VTI1A: variants seen among roughly 807,000 people sequenced by gnomAD.
The protein encoded by VTI1A is vesicle transport through interaction with t-SNAREs 1A.
VTI1A carries 22 observed loss-of-function variants against 34.9 expected under a neutral mutation model. The observed-to-expected ratio is 0.63, with a 90% CI of 0.45 to 0.90. The LOEUF is 0.90. Among genes scored for constraint, VTI1A ranks in the 40% least tolerant of loss-of-function variants. VTI1A has a pLI of 0.00. For missense variants in VTI1A, 268 were observed against 275.6 expected, an observed-to-expected ratio of 0.97 and a Z score of 0.20; for synonymous variants, 87 against 97.3, an observed-to-expected ratio of 0.89 and a Z score of 0.62.
intron 7 of VTI1A, among the ~76,000 whole-genome samples, chr10:112,756,299 G>A (rs1213986558): frequency 6.6e-6 from 1 of 152,186 alleles, no homozygotes; most frequent in Non-Finnish European, 1.5e-5. Context: ...GGGGCAGTGT[G>A]TTACGGCATG....
At chr10:112,708,220 A>G (rs1849269395) in intron 7 of VTI1A, among the ~76,000 whole-genome samples, 1 of 152,262 alleles carries the variant, frequency 6.6e-6, no homozygotes, top group African/African-American at 2.4e-5. Flanking sequence ...TGGTATGTGT[A>G]TACAGCATGT....
At chr10:112,697,340 C>G (rs1428077642) in intron 7 of VTI1A, among the ~76,000 whole-genome samples, 4 of 150,864 alleles carry the variant, frequency 2.7e-5, no homozygotes, top group African/African-American at 9.8e-5. Context: ...ACTATAGGTG[C>G]ATGCCTCCAC....
intron 5 of VTI1A, among the ~76,000 whole-genome samples, chr10:112,601,110 G>A (rs1844859461): frequency 6.6e-6 from 1 of 152,176 alleles, no homozygotes; most frequent in Non-Finnish European, 1.5e-5. Flanking sequence ...TAGCATTAGG[G>A]AAACCTTCAT....
chr10:112,656,387 CTTTTT>C (rs71489977), intron 5 of VTI1A, among the ~76,000 whole-genome samples: 1 of 133,020 alleles, frequency 7.5e-6, no homozygotes, highest in South Asian at 2.4e-4. Flanking sequence ...CTTCCCAAAC[CTTTTT>C]TTTTTTTTTT....
At chr10:112,726,466 A>G (rs538289197) in intron 7 of VTI1A, among the ~76,000 whole-genome samples, 3 of 152,284 alleles carry the variant, frequency 2.0e-5, no homozygotes, top group South Asian at 2.1e-4. Flanking sequence ...TTGAAACACC[A>G]TGGAAACAGG....
rs149149945 is a variant in VTI1A, at chr10:112,688,128, A to G, written c.560+19130A>G. On this transcript the variant is annotated intron_variant, in intron 7 of 7. Transcript: ENST00000393077. ...GCCACCATGCCCGGCTAATTTTTGT[A>G]TTTTTAGTAGAGACAGGGTTTCACC... Among the ~76,000 whole-genome samples the G allele has an allele frequency of 3.4e-3, 516 of 151,190 alleles. 4 individuals carry two copies. The highest frequency in any genetic ancestry group is 0.011 in the African/African-American group (448 of 41,164).
intron 5 of VTI1A, among the ~76,000 whole-genome samples, chr10:112,645,168 A>C (rs999407763): frequency 6.6e-6 from 1 of 152,148 alleles, no homozygotes; most frequent in Non-Finnish European, 1.5e-5. Context: ...GCAAGTACTC[A>C]GTGTGTGTTT....
At chr10:112,808,624 CAAAA>C (rs760656671) in intron 7 of VTI1A, among the ~76,000 whole-genome samples, 3 of 59,584 alleles carry the variant, frequency 5.0e-5, no homozygotes, top group Non-Finnish European at 3.4e-5. Context: ...GACTCCATCT[CAAAA>C]AAAAAAAAAA....
intron 5 of VTI1A, among the ~76,000 whole-genome samples, chr10:112,588,006 C>T (rs996716072): frequency 6.6e-6 from 1 of 151,174 alleles, no homozygotes; most frequent in Non-Finnish European, 1.5e-5. Flanking sequence ...AAATTAAAAA[C>T]CACTGCTACT....
intron 3 of VTI1A, among the ~76,000 whole-genome samples, chr10:112,477,972 ATAGC>A (rs1444670175): frequency 2.6e-5 from 4 of 152,160 alleles, no homozygotes; most frequent in Non-Finnish European, 5.9e-5. Context: ...TACTATCCTC[ATAGC>A]TAGCATCTTG....
At chr10:112,852,749 G>A in the VTI1A span, among the ~76,000 whole-genome samples, 1 of 152,144 alleles carries the variant, frequency 6.6e-6, no homozygotes, top group East Asian at 1.9e-4. Flanking sequence ...AGTCTGGATA[G>A]GACTGTCTTT....
At chr10:112,737,295 G>C (rs1850520912) in intron 7 of VTI1A, 1 of 1,004,546 alleles carries the variant, frequency 1.0e-6, no homozygotes, top group African/African-American at 1.7e-5. Context: ...TGTTGGCCAG[G>C]ATGGTCTCGA....
At chr10:112,456,746 G>A (rs1337809009) in intron 1 of VTI1A, among the ~76,000 whole-genome samples, 1 of 152,206 alleles carries the variant, frequency 6.6e-6, no homozygotes, top group African/African-American at 2.4e-5. Context: ...TGTAGGTCAA[G>A]AGGTGAACAT....
chr10:112,727,109 C>T (rs561185073), intron 7 of VTI1A, among the ~76,000 whole-genome samples: 40 of 152,282 alleles, frequency 2.6e-4, no homozygotes, highest in South Asian at 1.9e-3. Flanking sequence ...GTGAGTTGCA[C>T]GCAGTGGGAG....
At chr10:112,634,573 A>AAGG (rs1846272915) in intron 5 of VTI1A, among the ~76,000 whole-genome samples, 3 of 151,112 alleles carry the variant, frequency 2.0e-5, no homozygotes, top group Admixed American at 2.0e-4. Flanking sequence ...CTTCCTTTTG[A>AAGG]AACTAAATGT....
chr10:112,630,089 G>A lies in VTI1A; in HGVS notation c.428-38129G>A, dbSNP rs1846072744. On this transcript the variant is annotated intron_variant, in intron 5 of 7. Coordinates refer to ENST00000393077, the MANE Select transcript of VTI1A (RefSeq NM_145206.4). Reference sequence around the variant, plus strand: ...CGAAATGCCCACTTCGTTCCCAATTGATCAAAAGATGAAGGTTCCAGAGAC... The same window carrying A: ...CGAAATGCCCACTTCGTTCCCAATTAATCAAAAGATGAAGGTTCCAGAGAC... Among the ~76,000 whole-genome samples, 8 of 152,260 alleles carry A rather than the reference G, an allele frequency of 5.3e-5. No homozygotes were observed. The South Asian group carries it at 1.5e-3, about 28-fold the overall frequency.
chr10:112,577,071 G>A (rs971217523), intron 5 of VTI1A, among the ~76,000 whole-genome samples: 4 of 152,170 alleles, frequency 2.6e-5, no homozygotes, highest in African/African-American at 9.7e-5. Context: ...CTCTAACTTA[G>A]AGCTTGTATA....
chr10:112,746,468 G>A (rs186510252), intron 7 of VTI1A, among the ~76,000 whole-genome samples: 80 of 152,296 alleles, frequency 5.3e-4, no homozygotes, highest in African/African-American at 1.8e-3. Flanking sequence ...GCAGCCCACC[G>A]CTGTACACAT....
chr10:112,564,282 T>C (rs1219182645), intron 5 of VTI1A, among the ~76,000 whole-genome samples: 1 of 152,120 alleles, frequency 6.6e-6, no homozygotes, highest in East Asian at 1.9e-4. Context: ...CAGCGCGTTG[T>C]TGATTTCTTT....
Sources: gnomAD v4.1 joint callset for allele counts (sites outside exome capture counted in the v4.1 genomes callset) on GRCh38, gnomAD v4.1.1 for gene constraint, MANE v1.5 for transcripts, NCBI Gene and HGNC (gene_info 2026-07-23, HGNC 2026-07-21) for gene names.